The following SAXO1 variants were observed in gnomAD, a reference collection of about 807,000 sequenced individuals.
SAXO1 encodes 4930500O09Rik.
A neutral mutation model predicts 17.5 loss-of-function variants in SAXO1; 21 were observed. That is an observed-to-expected ratio of 1.20 (90% CI 0.85 to 1.72). The LOEUF (loss-of-function observed/expected upper bound fraction) is 1.72, where lower values mean the gene tolerates loss of function less well. Among genes scored for constraint, SAXO1 ranks in the 40% most tolerant of loss-of-function variants. SAXO1 has a pLI of 0.00. For missense variants in SAXO1, 843 were observed against 596.0 expected (o/e 1.41, Z -4.32); for synonymous variants, 274 against 216.5 (o/e 1.27, Z -2.33).
chr9:18,985,634 G>C (rs565064401), intron 1 of SAXO1, among the ~76,000 whole-genome samples: 3 of 152,156 alleles, frequency 2.0e-5, no homozygotes, highest in African/African-American at 4.8e-5. Flanking sequence ...AGCACCTCAC[G>C]ATGGAGCCCA....
At chr9:19,004,040 C>CA (rs1308412920) in intron 1 of SAXO1, among the ~76,000 whole-genome samples, 4 of 150,980 alleles carry the variant, frequency 2.6e-5, no homozygotes, top group Admixed American at 6.6e-5. Context: ...AAATTTACAA[C>CA]AAAAAAAACA....
At chr9:19,012,137 C>T (rs1190282558) in intron 1 of SAXO1, among the ~76,000 whole-genome samples, 2 of 152,138 alleles carry the variant, frequency 1.3e-5, no homozygotes, top group African/African-American at 4.8e-5. Flanking sequence ...AGCCACCACG[C>T]CCGGCAAGGA....
intron 3 of SAXO1, among the ~76,000 whole-genome samples, chr9:18,940,476 C>T (rs899921716): frequency 6.6e-6 from 1 of 152,210 alleles, no homozygotes; most frequent in Non-Finnish European, 1.5e-5. Flanking sequence ...AGCACAGGGT[C>T]CTCCAGGATG....
In SAXO1 at chr9:18,944,973, C is replaced by G. The variant is rs546183709; in HGVS notation, c.219-3134G>C. Reference sequence around the variant, plus strand: ...AGTTCCTCCTCTTGGCCAAAGCCAACCTCTCTCACCCCTGCCCTCTTTCTC... The same window carrying G: ...AGTTCCTCCTCTTGGCCAAAGCCAAGCTCTCTCACCCCTGCCCTCTTTCTC... On this transcript the variant is annotated intron_variant, in intron 2 of 3. Transcript: ENST00000380534. Among the ~76,000 whole-genome samples the G allele has an allele frequency of 3.3e-5, 5 of 152,232 alleles. No individual in the cohort carries two copies. In the South Asian group the frequency reaches 6.2e-4, roughly 19 times the overall value.
At position 18,941,720 on chromosome 9, in the gene SAXO1, GGGTAGGGATTGTAATCTTTCTT is replaced by G. The variant is rs749069610; in HGVS notation, c.316_337del (p.Lys106LeufsTer67). 9.4e-5 allele frequency: 151 copies of G among 1,614,192 alleles called. 1 individual carries two copies. The Admixed American group carries it at 2.4e-3, about 26-fold the overall frequency. On this transcript the variant is annotated frameshift_variant, in exon 3 of 4. Coordinates refer to ENST00000380534, the MANE Select transcript of SAXO1 (RefSeq NM_153707.4). LOFTEE classifies it high-confidence loss of function. ...TTTGATGGGGTCCACTCGACAGACA[GGGTAGGGATTGTAATCTTTCTT>G]ATACGTCGTGAGCAAATCCATATTC... is the stretch of plus-strand genomic sequence containing the variant.
At chr9:19,011,569 A>G (rs1216634146) in intron 1 of SAXO1, among the ~76,000 whole-genome samples, 2 of 152,200 alleles carry the variant, frequency 1.3e-5, no homozygotes, top group Admixed American at 1.3e-4. Context: ...TCAACATCCT[A>G]TCGGCAAATT....
chr9:19,048,203 C>T (rs1253932512), intron 1 of SAXO1, among the ~76,000 whole-genome samples: 1 of 152,200 alleles, frequency 6.6e-6, no homozygotes, highest in Non-Finnish European at 1.5e-5. Context: ...CGGTGGCTCA[C>T]GCCTGTAATC....
In SAXO1 at chr9:19,014,460, C is replaced by CA. The variant is rs375593725; in HGVS notation, c.38+18410dup. ...TGGGCAACAGAGCGAAACTGTGTCT[C>CA]AAAAAAAAAAAAAAAAAGTTAATTA... is the stretch of plus-strand genomic sequence containing the variant. On this transcript the variant is annotated intron_variant, in intron 1 of 3. Transcript: ENST00000380534. Among the ~76,000 whole-genome samples the CA allele has an allele frequency of 7.1e-3, 628 of 88,490 alleles. 8 individuals carry two copies. Among genetic ancestry groups the CA allele is most frequent in the African/African-American group, 0.012 (237 of 20,574 alleles). 58.1% of individuals were successfully genotyped at this position (88,490 alleles called of 152,430 possible). A position where few individuals can be genotyped will look rare whatever the true frequency, so the allele number is the denominator to read the frequency against.
intron 1 of SAXO1, among the ~76,000 whole-genome samples, chr9:19,019,698 C>A (rs926690512): frequency 6.6e-6 from 1 of 152,042 alleles, no homozygotes; most frequent in Non-Finnish European, 1.5e-5. Context: ...CCACTGCACC[C>A]CAGCCTCGGC....
At chr9:19,022,168 G>A (rs10963910) in intron 1 of SAXO1, among the ~76,000 whole-genome samples, 69,997 of 152,068 alleles carry the variant, frequency 0.46, 17,754 homozygotes, top group Non-Finnish European at 0.57. Flanking sequence ...AACTCCGGAG[G>A]CGCCACCTTT....
chr9:18,949,584 T>C (rs1831937694), intron 2 of SAXO1, among the ~76,000 whole-genome samples: 1 of 152,198 alleles, frequency 6.6e-6, no homozygotes. Context: ...GCCTCATTTC[T>C]CCCATTGTGG....
At chr9:19,008,476 G>A (rs1834580666) in intron 1 of SAXO1, among the ~76,000 whole-genome samples, 1 of 152,146 alleles carries the variant, frequency 6.6e-6, no homozygotes, top group Non-Finnish European at 1.5e-5. Context: ...GCAATTTCTG[G>A]AAGGAGCAGA....
chr9:19,027,648 T>C, intron 1 of SAXO1: 1 of 1,394,548 alleles, frequency 7.2e-7, no homozygotes, highest in South Asian at 1.2e-5. Context: ...CGGGATGCCT[T>C]CGCCCTGGCC....
At chr9:19,028,013 C>G (rs558526811) in intron 1 of SAXO1, 1 of 1,606,746 alleles carries the variant, frequency 6.2e-7, no homozygotes, top group African/African-American at 1.3e-5. Context: ...AAGGCTGTGT[C>G]TGTGGAGGCG....
At chr9:19,013,166 A>G (rs986906944) in intron 1 of SAXO1, among the ~76,000 whole-genome samples, 2 of 152,150 alleles carry the variant, frequency 1.3e-5, no homozygotes, top group African/African-American at 4.8e-5. Flanking sequence ...GACTAAATAC[A>G]CTTGATCTTA....
chr9:19,044,138 TA>T (rs34434046), intron 1 of SAXO1, among the ~76,000 whole-genome samples: 69,385 of 146,814 alleles, frequency 0.47, 16,972 homozygotes, highest in African/African-American at 0.65. Context: ...GACTCTGTCT[TA>T]AAAAAAAAAA....
chr9:19,008,531 G>A lies in SAXO1; in HGVS notation c.38+24340C>T, dbSNP rs577834704. ...GGTAAGAAATTGAGGGTGAACAGGGGAGGAGAGAGGCTTGCCATATTTGAA... is the reference window on the plus strand; with the variant it reads ...GGTAAGAAATTGAGGGTGAACAGGGAAGGAGAGAGGCTTGCCATATTTGAA... On this transcript the variant is annotated intron_variant, in intron 1 of 3. Transcript: ENST00000380534. Among the ~76,000 whole-genome samples the A allele has an allele frequency of 9.2e-5, 14 of 152,294 alleles. No individual in the cohort carries two copies. The East Asian group carries it at 2.5e-3, about 27-fold the overall frequency.
chr9:18,930,727 G>A (rs1322685789), intron 3 of SAXO1, among the ~76,000 whole-genome samples: 5 of 152,258 alleles, frequency 3.3e-5, no homozygotes, highest in South Asian at 4.2e-4. Flanking sequence ...TCGAACTCCC[G>A]ACCTCAGGTA....
intron 1 of SAXO1, among the ~76,000 whole-genome samples, chr9:19,018,690 AG>A (rs1334679977): frequency 1.3e-5 from 2 of 152,228 alleles, no homozygotes; most frequent in African/African-American, 4.8e-5. Flanking sequence ...AGTACCCAAA[AG>A]TTATCCAAGG....
Sources: gnomAD v4.1 joint callset for allele counts (sites outside exome capture counted in the v4.1 genomes callset) on GRCh38, gnomAD v4.1.1 for gene constraint, MANE v1.5 for transcripts, NCBI Gene and HGNC (gene_info 2026-07-23, HGNC 2026-07-21) for gene names.